The following VPS39 variants were observed in gnomAD, a reference collection of about 807,000 sequenced individuals.
The protein encoded by VPS39 is vam6/Vps39-like protein.
Under a neutral mutation model 121.0 loss-of-function variants are expected in VPS39, and 70 were observed. The ratio of observed to expected loss-of-function variants is 0.58; its 90% CI spans 0.48 to 0.71. The LOEUF is 0.71. Ranked by LOEUF, VPS39 falls within the 30% of genes least tolerant of loss-of-function variation. The probability of loss-of-function intolerance (pLI) is 0.00; values close to 1 mark genes in which losing one functional copy is unlikely to be tolerated. For missense variants in VPS39, 818 were observed against 1,051.5 expected (o/e 0.78, Z 3.07); for synonymous variants, 378 against 398.1 (o/e 0.95, Z 0.60).
At chr15:42,167,638 T>A in intron 12 of VPS39, 101 bp from the exon 13 acceptor site, 1 of 1,442,368 alleles carries the variant, frequency 6.9e-7, no homozygotes, top group Non-Finnish European at 9.4e-7. Flanking sequence ...TCATGCCTAT[T>A]GGCCTGATCT....
Position 42,165,716 on chromosome 15 carries a change from AC to A in VPS39, c.1779+1del. On this transcript the variant is annotated splice_donor_variant, in intron 17 of 24. Coordinates refer to ENST00000318006, the MANE Select transcript of VPS39 (RefSeq NM_015289.5). LOFTEE classifies it high-confidence loss of function. ...TTTAGTGCAGACCAAAAAATACCTT[AC>A]CAGATAAGGAATAGCCAGACCCTTA... 6.2e-7 allele frequency: 1 copy of A among 1,613,756 alleles called. No homozygotes were observed. The highest frequency in any genetic ancestry group is 8.5e-7 in the Non-Finnish European group (1 of 1,179,668).
rs534898154 is a variant in VPS39, at chr15:42,198,327, G to C, written c.139+1569C>G. On this transcript the variant is annotated intron_variant, in intron 2 of 24. Transcript: ENST00000318006. ...AATTATAGACCAGGCAAATATCACAGAACGCAAATATTTTGGCTCCGAGAA... is the reference window on the plus strand; with the variant it reads ...AATTATAGACCAGGCAAATATCACACAACGCAAATATTTTGGCTCCGAGAA... 2.0e-4 allele frequency among the ~76,000 whole-genome samples: 31 copies of C among 152,256 alleles called. 1 individual carries two copies. The South Asian group carries it at 6.4e-3, about 32-fold the overall frequency.
intron 15 of VPS39, 82 bp downstream of exon 15, chr15:42,166,481 A>AC: frequency 6.6e-7 from 1 of 1,504,044 alleles, no homozygotes; most frequent in Non-Finnish European, 9.2e-7. Flanking sequence ...GGAGGGGAGC[A>AC]ACCAACCAGA....
rs1031341311 is a variant in VPS39, at chr15:42,159,994, G to A, written c.*760C>T. The A allele has an allele frequency of 1.3e-5, 2 of 152,372 alleles. No homozygotes were observed. The highest frequency in any genetic ancestry group is 6.5e-5 in the Admixed American group (1 of 15,294). The allele number at this position is 152,372 out of a possible 1,614,324, so 9.4% of individuals were successfully genotyped here. ...GGATGCAGGGCCTTGCCTAGGCAGA[G>A]AATGATGCTCTCCGAGGCATCTAGG... On this transcript the variant is annotated 3_prime_UTR_variant, in exon 25 of 25. Transcript: ENST00000318006.
At chr15:42,175,409 GAA>G (rs772876964) in intron 10 of VPS39, among the ~76,000 whole-genome samples, 6 of 119,726 alleles carry the variant, frequency 5.0e-5, no homozygotes, top group Middle Eastern at 4.2e-3. Flanking sequence ...TCTGTCTCGG[GAA>G]AAAAAAAAAA....
At chr15:42,195,258 T>C (rs1404099322) in intron 2 of VPS39, among the ~76,000 whole-genome samples, 2 of 152,114 alleles carry the variant, frequency 1.3e-5, no homozygotes, top group Non-Finnish European at 2.9e-5. Flanking sequence ...CTGGCCAACA[T>C]GGTGAAACCC....
At chr15:42,170,641 CT>C (rs1253273157) in intron 11 of VPS39, among the ~76,000 whole-genome samples, 1 of 150,508 alleles carries the variant, frequency 6.6e-6, no homozygotes, top group East Asian at 2.0e-4. Flanking sequence ...GGAAAATGTT[CT>C]GCTATATTAA....
At chr15:42,189,060 G>T (rs2049765875) in intron 5 of VPS39, 54 bp downstream of exon 5, 2 of 1,285,712 alleles carry the variant, frequency 1.6e-6, no homozygotes, top group Admixed American at 3.4e-5. Context: ...AATGATGTAG[G>T]AAAGACTGTA....
At chr15:42,175,644 A>G (rs1489144017) in intron 10 of VPS39, among the ~76,000 whole-genome samples, 1 of 151,518 alleles carries the variant, frequency 6.6e-6, no homozygotes, top group Non-Finnish European at 1.5e-5. Flanking sequence ...TTACCGCCAC[A>G]CTAGTCCAAG....
chr15:42,178,082 A>C lies in VPS39; in HGVS notation c.960+136T>G. ...TACATAGATATTTTACGGTGGAGTC[A>C]GACCTAGTATTCAAGGCCCTGGACT... On this transcript the variant is annotated intron_variant, in intron 10 of 24. Transcript: ENST00000318006. 4 of 1,149,626 alleles carry C rather than the reference A, an allele frequency of 3.5e-6. No homozygotes were observed. The South Asian group carries it at 6.2e-5, about 18-fold the overall frequency. 71.2% of individuals were successfully genotyped at this position (1,149,626 alleles called of 1,614,324 possible).
intron 8 of VPS39, chr15:42,179,046 T>G (rs2049519328): frequency 6.4e-6 from 1 of 155,150 alleles, no homozygotes; most frequent in African/African-American, 2.4e-5. Flanking sequence ...TTTGCTTGAG[T>G]TATGATCAGA....
chr15:42,166,593 C>G lies in VPS39; in HGVS notation c.1576G>C (p.Glu526Gln). The part of the protein sequence containing the change: ...KKANSPLKGH[E>Q]RTVQYLQHLG... ...TGCTGCAGATACTGCACTGTCCTCT[C>G]GTGGCCTTTCAGAGGGGAGTTGGCT... Residue 526 changes from glutamate to glutamine, a missense_variant, in exon 15 of 25, where the codon GAG (glutamate) becomes CAG (glutamine). By Grantham distance (29) the Glu-to-Gln change is conservative. Transcript: ENST00000318006. The G allele has an allele frequency of 3.7e-6, 6 of 1,614,248 alleles. No individual in the cohort carries two copies. The highest frequency in any genetic ancestry group is 5.1e-6 in the Non-Finnish European group (6 of 1,180,052).
chr15:42,196,159 C>T (rs113028983), intron 2 of VPS39, among the ~76,000 whole-genome samples: 22,795 of 151,638 alleles, frequency 0.15, 2,320 homozygotes, highest in African/African-American at 0.27. Flanking sequence ...ACACCTTATA[C>T]AAAAATTAAT....
intron 18 of VPS39, 49 bp downstream of exon 18, chr15:42,164,947 G>A: frequency 1.2e-6 from 2 of 1,611,752 alleles, no homozygotes; most frequent in Non-Finnish European, 8.5e-7. Flanking sequence ...CTGGGTCTGT[G>A]CTCTCCTCTA....
intron 1 of VPS39, among the ~76,000 whole-genome samples, chr15:42,203,122 G>A (rs906634373): frequency 4.6e-5 from 7 of 152,048 alleles, no homozygotes; most frequent in Non-Finnish European, 1.0e-4. Flanking sequence ...CTGGAGGTCA[G>A]GAGTTTGAGA....
chr15:42,201,578 C>T (rs971974469), intron 1 of VPS39, among the ~76,000 whole-genome samples: 1 of 152,160 alleles, frequency 6.6e-6, no homozygotes, highest in African/African-American at 2.4e-5. Context: ...GGCTCTACCC[C>T]GGAGCATCTG....
At chr15:42,192,028 T>C (rs1189420465) in intron 2 of VPS39, 2 of 1,535,206 alleles carry the variant, frequency 1.3e-6, no homozygotes, top group East Asian at 4.9e-5. Flanking sequence ...CTCAAACCCA[T>C]CTCCAGAGCT....
chr15:42,187,331 G>A lies in VPS39; in HGVS notation c.474C>T (p.Ser158=), dbSNP rs776810745. ...AGATAGAATTTTCACACCACGCCAT[G>A]GACTTGGGCACATCTGGCACACTAA... The part of the protein sequence containing the change: ...GDFSVPDVPK[S]MAWCENSICV... The change falls in exon 7 of 25, where the codon TCC becomes TCT. Residue 158 remains serine (S), a synonymous_variant. Coordinates refer to ENST00000318006, the MANE Select transcript of VPS39 (RefSeq NM_015289.5). 1 of 1,613,510 alleles carries A rather than the reference G, an allele frequency of 6.2e-7. No homozygotes were observed. The highest frequency in any genetic ancestry group is 8.5e-7 in the Non-Finnish European group (1 of 1,179,868).
intron 11 of VPS39, among the ~76,000 whole-genome samples, chr15:42,170,335 TG>T (rs1245693581): frequency 6.6e-6 from 1 of 152,132 alleles, no homozygotes; most frequent in Non-Finnish European, 1.5e-5. Context: ...TAAGAACACA[TG>T]TCTACAAAAA....
Sources: allele counts gnomAD v4.1 joint callset (sites outside exome capture counted in the v4.1 genomes callset), GRCh38; gene constraint gnomAD v4.1.1; transcripts MANE v1.5; gene names NCBI Gene and HGNC (gene_info 2026-07-23, HGNC 2026-07-21).